The following SUSD1 variants were observed in gnomAD, a reference collection of about 807,000 sequenced individuals.
SUSD1 encodes sushi domain-containing protein 1.
Under a neutral mutation model 86.9 loss-of-function variants are expected in SUSD1, and 65 were observed. That is an observed-to-expected ratio of 0.75 (90% CI 0.61 to 0.92). The LOEUF is 0.92. Among genes scored for constraint, SUSD1 ranks in the 40% least tolerant of loss-of-function variants. The probability of loss-of-function intolerance (pLI) is 0.00; values close to 1 mark genes in which losing one functional copy is unlikely to be tolerated. For missense variants in SUSD1, 850 were observed against 929.7 expected, an observed-to-expected ratio of 0.91 and a Z score of 1.11; for synonymous variants, 346 against 350.0, an observed-to-expected ratio of 0.99 and a Z score of 0.13.
chr9:112,102,110 C>T, intron 9 of SUSD1, 66 bp downstream of exon 9: 1 of 839,712 alleles, frequency 1.2e-6, no homozygotes, highest in Non-Finnish European at 1.9e-6. Context: ...TGGATACTTA[C>T]TTGGAGATCG....
At chr9:112,101,749 C>T (rs916777122) in intron 9 of SUSD1, among the ~76,000 whole-genome samples, 2 of 151,992 alleles carry the variant, frequency 1.3e-5, no homozygotes, top group Non-Finnish European at 2.9e-5. Context: ...GGAAGGCTGA[C>T]GCAAGAGAAT....
chr9:112,151,236 C>T (rs1032487368), intron 2 of SUSD1, among the ~76,000 whole-genome samples: 2 of 152,140 alleles, frequency 1.3e-5, no homozygotes, highest in Non-Finnish European at 2.9e-5. Context: ...CAGGTGTGAG[C>T]CACCACATCC....
intron 1 of SUSD1, among the ~76,000 whole-genome samples, chr9:112,172,433 G>T (rs1048725633): frequency 6.6e-6 from 1 of 151,986 alleles, no homozygotes; most frequent in Non-Finnish European, 1.5e-5. Flanking sequence ...CTTCCTTCTC[G>T]ACTTGCATCT....
intron 1 of SUSD1, among the ~76,000 whole-genome samples, chr9:112,158,104 G>A (rs911505629): frequency 6.6e-6 from 1 of 151,812 alleles, no homozygotes. Context: ...GATTACAGGC[G>A]TGAGCCACCG....
At chr9:112,101,243 T>C (rs1459058136) in intron 9 of SUSD1, among the ~76,000 whole-genome samples, 1 of 151,986 alleles carries the variant, frequency 6.6e-6, no homozygotes, top group African/African-American at 2.4e-5. Flanking sequence ...ACACCTATAA[T>C]CTCAGCTACT....
chr9:112,084,729 C>A (rs1466167268), intron 10 of SUSD1, among the ~76,000 whole-genome samples: 1 of 152,182 alleles, frequency 6.6e-6, no homozygotes, highest in Non-Finnish European at 1.5e-5. Context: ...ATGAAAGATA[C>A]GTGCGGTGGT....
At chr9:112,140,730 C>T (rs1832528676) in intron 5 of SUSD1, among the ~76,000 whole-genome samples, 1 of 152,166 alleles carries the variant, frequency 6.6e-6, no homozygotes, top group Non-Finnish European at 1.5e-5. Flanking sequence ...TACAGTCATG[C>T]ATCATTTAAC....
chr9:112,105,717 G>A (rs936190772), intron 8 of SUSD1, among the ~76,000 whole-genome samples: 1 of 151,996 alleles, frequency 6.6e-6, no homozygotes, highest in Non-Finnish European at 1.5e-5. Flanking sequence ...AGACTCAGTC[G>A]CAAAACGACA....
chr9:112,101,273 A>T (rs1349298991), intron 9 of SUSD1, among the ~76,000 whole-genome samples: 1 of 151,910 alleles, frequency 6.6e-6, no homozygotes, highest in African/African-American at 2.4e-5. Flanking sequence ...GAGGCACGAG[A>T]GTCGCTTGAA....
chr9:112,045,605 C>T (rs1369114041), intron 15 of SUSD1, among the ~76,000 whole-genome samples: 4 of 152,134 alleles, frequency 2.6e-5, no homozygotes, highest in Non-Finnish European at 5.9e-5. Flanking sequence ...TCCTGACTCC[C>T]GGGAACTGCT....
At chr9:112,097,052 C>T (rs932589308) in intron 10 of SUSD1, among the ~76,000 whole-genome samples, 5 of 151,974 alleles carry the variant, frequency 3.3e-5, no homozygotes, top group Admixed American at 3.3e-4. Flanking sequence ...AAGCCAGACA[C>T]GGTGGCTCAC....
At chr9:112,136,692 C>G (rs1832281302) in intron 5 of SUSD1, among the ~76,000 whole-genome samples, 1 of 152,184 alleles carries the variant, frequency 6.6e-6, no homozygotes, top group South Asian at 2.1e-4. Context: ...GTCTCAGGAT[C>G]CTTTCCATAC....
chr9:112,095,786 G>A (rs967282467), intron 10 of SUSD1, among the ~76,000 whole-genome samples: 4 of 152,218 alleles, frequency 2.6e-5, no homozygotes, highest in African/African-American at 9.6e-5. Flanking sequence ...CATGCAAGAT[G>A]ATGCATTTCA....
At chr9:112,102,105 A>G in intron 9 of SUSD1, 71 bp downstream of exon 9, 1 of 740,296 alleles carries the variant, frequency 1.4e-6, no homozygotes, top group Non-Finnish European at 2.2e-6. Flanking sequence ...TACTTTGGAT[A>G]CTTACTTGGA....
At chr9:112,172,028 T>C (rs1834066105) in intron 1 of SUSD1, among the ~76,000 whole-genome samples, 1 of 152,000 alleles carries the variant, frequency 6.6e-6, no homozygotes, top group Non-Finnish European at 1.5e-5. Context: ...AAACCCCATC[T>C]CTACTAAAAA....
At chr9:112,101,276 C>T (rs1413547424) in intron 9 of SUSD1, among the ~76,000 whole-genome samples, 1 of 151,846 alleles carries the variant, frequency 6.6e-6, no homozygotes, top group African/African-American at 2.4e-5. Flanking sequence ...GCACGAGAGT[C>T]GCTTGAATTT....
chr9:112,097,324 CAA>C (rs912496066), intron 10 of SUSD1, among the ~76,000 whole-genome samples: 5 of 125,220 alleles, frequency 4.0e-5, no homozygotes, highest in African/African-American at 1.5e-4. Context: ...GACTCCATCT[CAA>C]AAAAAAAAAA....
chr9:112,070,225 C>T (rs1270704492), intron 12 of SUSD1, among the ~76,000 whole-genome samples: 2 of 152,056 alleles, frequency 1.3e-5, no homozygotes, highest in Non-Finnish European at 2.9e-5. Flanking sequence ...AGGCTGGTCC[C>T]GAACTCCTGA....
intron 5 of SUSD1, among the ~76,000 whole-genome samples, chr9:112,124,954 A>T (rs1831708268): frequency 1.3e-5 from 2 of 152,144 alleles, no homozygotes; most frequent in African/African-American, 4.8e-5. Flanking sequence ...TTGATACGAA[A>T]TTTTTTTCTC....
Sources: gnomAD v4.1 joint callset for allele counts (sites outside exome capture counted in the v4.1 genomes callset) on GRCh38, gnomAD v4.1.1 for gene constraint, MANE v1.5 for transcripts, NCBI Gene and HGNC (gene_info 2026-07-23, HGNC 2026-07-21) for gene names.